Variants in VAMP1 observed in about 807,000 individuals in gnomAD.
The protein encoded by VAMP1 is vesicle associated membrane protein 1.
Under a neutral mutation model 19.1 loss-of-function variants are expected in VAMP1, and 16 were observed. That is an observed-to-expected ratio of 0.84 (90% CI 0.57 to 1.27). VAMP1 has a LOEUF of 1.27. Among genes scored for constraint, VAMP1 ranks in the 50% most tolerant of loss-of-function variants. The pLI is 0.00. For synonymous variants in VAMP1, 37 were observed against 50.2 expected (o/e 0.74, Z 1.11); for missense variants, 109 against 145.4 (o/e 0.75, Z 1.29).
chr12:6,464,080 T>C lies in VAMP1; in HGVS notation c.*390A>G, dbSNP rs1452595403. The C allele has an allele frequency of 7.7e-7, 1 of 1,303,490 alleles. No homozygotes were observed. Among genetic ancestry groups the C allele is most frequent in the Admixed American group, 2.3e-5 (1 of 43,890 alleles). 80.7% of individuals were successfully genotyped at this position (1,303,490 alleles called of 1,614,324 possible). On this transcript the variant is annotated 3_prime_UTR_variant, in exon 5 of 5. Coordinates refer to ENST00000396308, the MANE Select transcript of VAMP1 (RefSeq NM_014231.5). ...CTAGCTCCTACCAGTGGCCAGGTTT[T>C]CTAGAAGTCACCATGGGCACCGATA...
chr12:6,466,142 A>G, intron 2 of VAMP1, 83 bp downstream of exon 2: 1 of 1,611,442 alleles, frequency 6.2e-7, no homozygotes, highest in Non-Finnish European at 8.5e-7. Context: ...TCTCCTACGA[A>G]AAAAGGAGAA....
Position 6,462,936 on chromosome 12 carries a change from T to A in VAMP1, c.*1534A>T. The stretch of plus-strand genomic sequence containing the variant: ...AATGCTGCTGCATGGAAAGTGGGCA[T>A]CCAGACCCTGCCCAGCATGGCCTCA... On this transcript the variant is annotated 3_prime_UTR_variant, in exon 5 of 5. Coordinates refer to ENST00000396308, the MANE Select transcript of VAMP1 (RefSeq NM_014231.5). 1 of 1,557,464 alleles carries A rather than the reference T, an allele frequency of 6.4e-7. No homozygotes were observed. Among genetic ancestry groups the A allele is most frequent in the Non-Finnish European group, 8.7e-7 (1 of 1,150,308 alleles).
rs12964 is a variant in VAMP1, at chr12:6,463,025, T to C, written c.*1445A>G. ...AGGGCCATGGGCATTCTCCGCTCTG[T>C]TCCCAGCCTGCCCTCCTCCCCTTGC... On this transcript the variant is annotated 3_prime_UTR_variant, in exon 5 of 5. Coordinates refer to ENST00000396308, the MANE Select transcript of VAMP1 (RefSeq NM_014231.5). This position sits in a 1 kb window ranked among gnomAD's most constrained non-coding sequence, Gnocchi z 4.0. The C allele has an allele frequency of 0.5, 769,722 of 1,546,508 alleles. 194,471 individuals carry two copies. Among genetic ancestry groups the C allele is most frequent in the East Asian group, 0.78 (31,820 of 40,898 alleles).
Position 6,466,275 on chromosome 12 carries a change from T to C in VAMP1, c.79A>G (p.Asn27Asp). 1 of 1,614,174 alleles carries C rather than the reference T, an allele frequency of 6.2e-7. No individual in the cohort carries two copies. Among genetic ancestry groups the C allele is most frequent in the South Asian group, 1.1e-5 (1 of 91,088 alleles). The change falls in exon 2 of 5, where the codon AAC (asparagine) becomes GAC (aspartate). Residue 27 changes from asparagine to aspartate, a missense_variant. Asn to Asp is a conservative substitution (Grantham distance 23). Coordinates refer to ENST00000396308, the MANE Select transcript of VAMP1 (RefSeq NM_014231.5). Reference sequence around the variant, plus strand: ...TGTAGTCGTCTGTTACTGGTCATGTTAGGAGGAGGGCCAGGGGGACCCCCA... The same window carrying C: ...TGTAGTCGTCTGTTACTGGTCATGTCAGGAGGAGGGCCAGGGGGACCCCCA... ...PGGGPPGPPP[N>D]MTSNRRLQQT...
In VAMP1 at chr12:6,470,659, A is replaced by AGCTGCGCTGGAACTTACTGCAGCT; in HGVS notation, c.-129_-128insAGCTGCAGTAAGTTCCAGCGCAGC. ...CCTCGCGCCGACTACCCCGCGGTCT[A>AGCTGCGCTGGAACTTACTGCAGCT]GCTGCGCTGGAACTTACTGCAGCTG... On this transcript the variant is annotated 5_prime_UTR_variant, in exon 1 of 5. Coordinates refer to ENST00000396308, the MANE Select transcript of VAMP1 (RefSeq NM_014231.5). The AGCTGCGCTGGAACTTACTGCAGCT allele has an allele frequency of 7.9e-7, 1 of 1,266,198 alleles. No individual in the cohort carries two copies. The allele number at this position is 1,266,198 out of a possible 1,614,324, so 78.4% of individuals were successfully genotyped here.
At position 6,463,588 on chromosome 12, in the gene VAMP1, A is replaced by G; in HGVS notation, c.*882T>C. On this transcript the variant is annotated 3_prime_UTR_variant, in exon 5 of 5. Coordinates refer to ENST00000396308, the MANE Select transcript of VAMP1 (RefSeq NM_014231.5). This position sits in a 1 kb window ranked among gnomAD's most constrained non-coding sequence, Gnocchi z 4.0. ...TACTTTCAAATTAAGCACTTGACTCACTGTTTCTCTATAACTAACAGGCAA... is the reference window on the plus strand; with the variant it reads ...TACTTTCAAATTAAGCACTTGACTCGCTGTTTCTCTATAACTAACAGGCAA... 1 of 1,065,238 alleles carries G rather than the reference A, an allele frequency of 9.4e-7. No homozygotes were observed. The highest frequency in any genetic ancestry group is 1.1e-6 in the Non-Finnish European group (1 of 876,992). The allele number at this position is 1,065,238 out of a possible 1,614,324, so 66.0% of individuals were successfully genotyped here.
chr12:6,464,592 T>A (rs1363950896), intron 4 of VAMP1, 106 bp from the exon 5 acceptor site: 7 of 1,459,970 alleles, frequency 4.8e-6, no homozygotes, highest in African/African-American at 4.3e-5. Context: ...TCTCCATTGT[T>A]AAGTGCCCCA....
In VAMP1 at chr12:6,465,865, TC is replaced by T. The variant is rs1194864192; in HGVS notation, c.264del (p.Lys89SerfsTer9). On this transcript the variant is annotated frameshift_variant, in exon 3 of 5. Transcript: ENST00000396308. LOFTEE classifies it high-confidence loss of function. ...ACCTTGCAGTTTTTCCACCAATACT[TC>T]CTCTTTAGCTTGGCAGCACTGCTCT... The part of the protein sequence containing the change: ...QFESSAAKLK[R>X]KYWWKNCKMM... The T allele has an allele frequency of 1.2e-6, 2 of 1,614,184 alleles. No homozygotes were observed.
intron 1 of VAMP1, among the ~76,000 whole-genome samples, chr12:6,468,976 G>A (rs1227211471): frequency 6.6e-6 from 1 of 152,092 alleles, no homozygotes; most frequent in African/African-American, 2.4e-5. Context: ...CACCTAAAAG[G>A]AAATTATTTG....
intron 2 of VAMP1, 49 bp from the exon 3 acceptor site, chr12:6,466,049 A>C: frequency 6.2e-7 from 1 of 1,612,890 alleles, no homozygotes; most frequent in Non-Finnish European, 8.5e-7. Flanking sequence ...CCAGAGACAG[A>C]GGAAAGGACA....
At chr12:6,467,385 C>T (rs1945655683) in intron 1 of VAMP1, among the ~76,000 whole-genome samples, 1 of 152,094 alleles carries the variant, frequency 6.6e-6, no homozygotes, top group South Asian at 2.1e-4. Flanking sequence ...ACAATAAGGT[C>T]CAGGCTGAGG....
intron 1 of VAMP1, chr12:6,466,560 C>T: frequency 2.1e-6 from 1 of 471,398 alleles, no homozygotes; most frequent in Non-Finnish European, 3.8e-6. Context: ...CATCCTCACC[C>T]CAAACCACTT....
chr12:6,467,743 T>C (rs879725220), intron 1 of VAMP1, among the ~76,000 whole-genome samples: 8 of 152,126 alleles, frequency 5.3e-5, no homozygotes, highest in Admixed American at 3.9e-4. Context: ...AAAAGTTATT[T>C]TGTGGGCCAG....
At chr12:6,466,469 G>T in intron 1 of VAMP1, 118 bp from the exon 2 acceptor site, 1 of 1,197,856 alleles carries the variant, frequency 8.3e-7, no homozygotes, top group Non-Finnish European at 1.1e-6. Flanking sequence ...GAGCGCTTGA[G>T]CCCAGGAGTT....
At chr12:6,470,238 T>C (rs1945736713) in intron 1 of VAMP1, among the ~76,000 whole-genome samples, 1 of 149,310 alleles carries the variant, frequency 6.7e-6, no homozygotes, top group East Asian at 2.0e-4. Flanking sequence ...CCTCTCCGAG[T>C]CTCCACTATA....
At position 6,463,912 on chromosome 12, in the gene VAMP1, G is replaced by A. The variant is rs1334639269; in HGVS notation, c.*558C>T. On this transcript the variant is annotated 3_prime_UTR_variant, in exon 5 of 5. Coordinates refer to ENST00000396308, the MANE Select transcript of VAMP1 (RefSeq NM_014231.5). This position sits in a 1 kb window ranked among gnomAD's most constrained non-coding sequence, Gnocchi z 4.0. ...GATTAGAAATAACTACAAAAAACAA[G>A]TTTTTACTTTCGAAAAGGGTACTGC... is the stretch of plus-strand genomic sequence containing the variant. 3 of 1,287,140 alleles carry A rather than the reference G, an allele frequency of 2.3e-6. No individual in the cohort carries two copies. The African/African-American group carries it at 4.6e-5, about 20-fold the overall frequency. 79.7% of individuals were successfully genotyped at this position (1,287,140 alleles called of 1,614,324 possible).
Position 6,464,101 on chromosome 12 carries a change from C to G in VAMP1, c.*369G>C. 1.5e-6 allele frequency: 2 copies of G among 1,317,638 alleles called. No individual in the cohort carries two copies. The highest frequency in any genetic ancestry group is 2.0e-6 in the Non-Finnish European group (2 of 1,007,274). The allele number at this position is 1,317,638 out of a possible 1,614,324, so 81.6% of individuals were successfully genotyped here. On this transcript the variant is annotated 3_prime_UTR_variant, in exon 5 of 5. Transcript: ENST00000396308. ...GTTTTCTAGAAGTCACCATGGGCAC[C>G]GATACTCTTCTCCTCCCAAGTCTGG... is the stretch of plus-strand genomic sequence containing the variant.
rs1402556997 is a variant in VAMP1, at chr12:6,465,394, ATATATAAATG to A, written c.288+438_288+447del. On this transcript the variant is annotated intron_variant, in intron 3 of 4. Transcript: ENST00000396308. Reference sequence around the variant, plus strand: ...TATAAATGTATATATATGTATATATATATATAAATGTATATATATGTATATATATATATAA... The same window carrying A: ...TATAAATGTATATATATGTATATATATATATATATGTATATATATATATAA... 2.9e-3 allele frequency: 324 copies of A among 110,056 alleles called. 14 individuals carry two copies. The highest frequency in any genetic ancestry group is 5.1e-3 in the Non-Finnish European group (273 of 53,502). The allele number at this position is 110,056 out of a possible 1,614,324, so 6.8% of individuals were successfully genotyped here.
Position 6,462,419 on chromosome 12 carries a change from T to C in VAMP1, c.*2051A>G, listed in dbSNP as rs1010255163. ...ACAGTGGAAACCCCACATCGTCTCA[T>C]GGCAAACCGAAGAACGGGATGTGGG... On this transcript the variant is annotated 3_prime_UTR_variant, in exon 5 of 5. Coordinates refer to ENST00000396308, the MANE Select transcript of VAMP1 (RefSeq NM_014231.5). The C allele has an allele frequency of 2.4e-5, 12 of 496,976 alleles. No individual in the cohort carries two copies. The highest frequency in any genetic ancestry group is 1.5e-4 in the African/African-American group (8 of 51,652). 30.8% of individuals were successfully genotyped at this position (496,976 alleles called of 1,614,324 possible). A position where few individuals can be genotyped will look rare whatever the true frequency, so the allele number is the denominator to read the frequency against.
Sources: allele counts gnomAD v4.1 joint callset (sites outside exome capture counted in the v4.1 genomes callset), GRCh38; gene constraint gnomAD v4.1.1; non-coding constraint Gnocchi (gnomAD v3.1); transcripts MANE v1.5; gene names NCBI Gene and HGNC (gene_info 2026-07-23, HGNC 2026-07-21).